The following GSDMC variants were observed in gnomAD, a reference collection of about 807,000 sequenced individuals.
The protein encoded by GSDMC is gasdermin C, also known as gasdermin-C.
GSDMC carries 59 observed loss-of-function variants against 58.0 expected under a neutral mutation model. The observed-to-expected ratio is 1.02, with a 90% CI of 0.82 to 1.26. The LOEUF (loss-of-function observed/expected upper bound fraction) is 1.26. GSDMC is among the 50% of genes most tolerant of loss of function. GSDMC has a pLI of 0.00. For missense variants in GSDMC, 659 were observed against 598.5 expected (o/e 1.10, Z -1.06); for synonymous variants, 241 against 220.2 (o/e 1.09, Z -0.83).
At chr8:129,758,602 A>C (rs2033533119) in intron 6 of GSDMC, among the ~76,000 whole-genome samples, 1 of 152,196 alleles carries the variant, frequency 6.6e-6, no homozygotes, top group South Asian at 2.1e-4. Flanking sequence ...AAATTTAAAA[A>C]TTAATCGCAT....
downstream of GSDMC, among the ~76,000 whole-genome samples, chr8:129,746,669 T>G (rs2032969122): frequency 1.3e-5 from 2 of 152,158 alleles, no homozygotes; most frequent in Admixed American, 1.3e-4. Flanking sequence ...AGGCATACAT[T>G]TAGATGTATA....
Position 129,762,651 on chromosome 8 carries a change from T to C in GSDMC, c.651A>G (p.Arg217=), listed in dbSNP as rs17190932. The change falls in exon 5 of 14, where the codon AGA becomes AGG. Residue 217 remains arginine, a synonymous_variant. Transcript: ENST00000276708. Reference sequence around the variant, plus strand: ...CTTTCTCCTTGATAACCAGCTGCTTTCTCTTATAAGCCATCACCATGCCTT... The same window carrying C: ...CTTTCTCCTTGATAACCAGCTGCTTCCTCTTATAAGCCATCACCATGCCTT... ...LQKGMVMAYK[R]KQLVIKEKAI... 0.17 allele frequency: 279,391 copies of C among 1,610,754 alleles called. 26,082 individuals are homozygous for C. The highest frequency in any genetic ancestry group is 0.2 in the Admixed American group (11,694 of 59,960).
the GSDMC span, among the ~76,000 whole-genome samples, chr8:129,714,818 T>G: frequency 2.0e-5 from 3 of 152,148 alleles, no homozygotes; most frequent in Non-Finnish European, 2.9e-5. Flanking sequence ...AATAAAACTT[T>G]GGAATTAAAA....
chr8:129,719,762 T>C, the GSDMC span, among the ~76,000 whole-genome samples: 3 of 152,080 alleles, frequency 2.0e-5, no homozygotes, highest in South Asian at 2.1e-4. Context: ...CTGGCCAACA[T>C]GGTGAAACCC....
At chr8:129,755,539 C>T (rs1176798744) in intron 6 of GSDMC, among the ~76,000 whole-genome samples, 1 of 152,138 alleles carries the variant, frequency 6.6e-6, no homozygotes, top group Non-Finnish European at 1.5e-5. Context: ...ATACAAAACT[C>T]ACTGCTAATA....
At chr8:129,716,068 T>C in the GSDMC span, among the ~76,000 whole-genome samples, 1 of 152,132 alleles carries the variant, frequency 6.6e-6, no homozygotes, top group African/African-American at 2.4e-5. Flanking sequence ...TTTAAAAAAT[T>C]ACTCATTCCG....
chr8:129,749,824 G>A (rs964638111), intron 12 of GSDMC, among the ~76,000 whole-genome samples, 166 bp downstream of exon 12: 5 of 152,118 alleles, frequency 3.3e-5, no homozygotes, highest in African/African-American at 4.8e-5. Context: ...TGTGTCATAC[G>A]GCAAGTTATC....
At chr8:129,736,377 G>A in the GSDMC span, among the ~76,000 whole-genome samples, 3 of 152,140 alleles carry the variant, frequency 2.0e-5, no homozygotes, top group South Asian at 2.1e-4. Flanking sequence ...GAACATCGAC[G>A]TGAAAATCCT....
In GSDMC at chr8:129,786,285, C is replaced by A. The variant is rs1185791247; in HGVS notation, c.-279G>T. 6.6e-6 allele frequency: 1 copy of A among 151,690 alleles called. No individual in the cohort carries two copies. The highest frequency in any genetic ancestry group is 1.5e-5 in the Non-Finnish European group (1 of 68,030). 9.4% of individuals were successfully genotyped at this position (151,690 alleles called of 1,614,324 possible). ...AGGCAGAGGTTGCAGTGAGCTGAGA[C>A]CATGCCGCTGCACTCCAGCCTGGGC... is the stretch of plus-strand genomic sequence containing the variant. On this transcript the variant is annotated 5_prime_UTR_variant, in exon 1 of 14. Coordinates refer to ENST00000276708, the MANE Select transcript of GSDMC (RefSeq NM_031415.3).
intron 3 of GSDMC, among the ~76,000 whole-genome samples, chr8:129,767,530 G>A (rs1048809108): frequency 3.0e-5 from 3 of 99,074 alleles, no homozygotes; most frequent in African/African-American, 8.0e-5. Flanking sequence ...CAACCACACA[G>A]AGCTACACAT....
rs1170096425 is a variant in GSDMC at position 129,756,067 on chromosome 8, T to TA, written c.722-3248dup. 3.5e-3 allele frequency among the ~76,000 whole-genome samples: 496 copies of TA among 141,324 alleles called. 1 individual carries two copies. Among genetic ancestry groups the TA allele is most frequent in the African/African-American group, 0.011 (431 of 38,508 alleles). The allele number at this position is 141,324 out of a possible 152,430, so 92.7% of individuals were successfully genotyped here. A position where few individuals can be genotyped will look rare whatever the true frequency, so the allele number is the denominator to read the frequency against. On this transcript the variant is annotated intron_variant, in intron 6 of 13. Transcript: ENST00000276708. The stretch of plus-strand genomic sequence containing the variant: ...AAAGATGAAGAGTGGCTGAAAGGAT[T>TA]AAAAAAAAAAACAAGATTCCATGAT...
the GSDMC span, chr8:129,730,498 C>T: frequency 0.2 from 129,428 of 649,814 alleles, 14,277 homozygotes; most frequent in Non-Finnish European, 0.23. Flanking sequence ...TACTACAGCA[C>T]ATCCACATAG....
the GSDMC span, among the ~76,000 whole-genome samples, chr8:129,730,860 C>A: frequency 6.6e-6 from 1 of 152,072 alleles, no homozygotes; most frequent in Non-Finnish European, 1.5e-5. Context: ...GTCAAAAAAT[C>A]CTAAAACCAT....
chr8:129,708,011 G>T, the GSDMC span, among the ~76,000 whole-genome samples: 2 of 152,098 alleles, frequency 1.3e-5, no homozygotes, highest in Admixed American at 1.3e-4. Flanking sequence ...GTGCTCCTGG[G>T]CATCATGAAT....
chr8:129,751,784 G>A (rs1269771628), intron 9 of GSDMC, 78 bp downstream of exon 9: 1 of 1,429,524 alleles, frequency 7.0e-7, no homozygotes, highest in Non-Finnish European at 9.9e-7. Flanking sequence ...CAAAGGCGAG[G>A]CAGGGGCAAT....
the GSDMC span, among the ~76,000 whole-genome samples, chr8:129,733,667 C>T: frequency 6.6e-6 from 1 of 152,198 alleles, no homozygotes; most frequent in South Asian, 2.1e-4. Context: ...CATCTGTAGG[C>T]TGCCAACATC....
At chr8:129,728,378 A>G in the GSDMC span, among the ~76,000 whole-genome samples, 1 of 152,102 alleles carries the variant, frequency 6.6e-6, no homozygotes, top group Non-Finnish European at 1.5e-5. Context: ...TGGAGCATCC[A>G]CTTTCCTGGA....
intron 3 of GSDMC, among the ~76,000 whole-genome samples, chr8:129,769,084 A>AAGGAGAGGAG (rs59634816): frequency 0.13 from 19,290 of 145,454 alleles, 1,447 homozygotes; most frequent in Admixed American, 0.17. Context: ...TCACAAAGGA[A>AAGGAGAGGAG]AGGAGAGGAG....
At chr8:129,707,747 A>C in the GSDMC span, among the ~76,000 whole-genome samples, 1 of 152,258 alleles carries the variant, frequency 6.6e-6, no homozygotes, top group Non-Finnish European at 1.5e-5. Context: ...AAAGACTTCA[A>C]GGAAAGGAAG....
Sources: allele counts gnomAD v4.1 joint callset (sites outside exome capture counted in the v4.1 genomes callset), GRCh38; gene constraint gnomAD v4.1.1; transcripts MANE v1.5; gene names NCBI Gene and HGNC (gene_info 2026-07-23, HGNC 2026-07-21).